CNTNAP2: variants seen among roughly 807,000 people sequenced by gnomAD.
CNTNAP2 encodes contactin associated protein 2.
CNTNAP2 carries 98 observed loss-of-function variants against 155.2 expected under a neutral mutation model. The ratio of observed to expected loss-of-function variants is 0.63; its 90% CI spans 0.54 to 0.75. The LOEUF is 0.75. Among genes scored for constraint, CNTNAP2 ranks in the 30% least tolerant of loss-of-function variants. CNTNAP2 has a pLI of 0.00. For synonymous variants in CNTNAP2, 651 were observed against 631.2 expected, an observed-to-expected ratio of 1.03 and a Z score of -0.47; for missense variants, 1,727 against 1,688.1, an observed-to-expected ratio of 1.02 and a Z score of -0.40.
At position 146,441,992 on chromosome 7, in the gene CNTNAP2, C is replaced by T. The variant is rs148672047; in HGVS notation, c.97+325019C>T. The stretch of plus-strand genomic sequence containing the variant: ...GGTACTGTCATGTATTTGCACATCC[C>T]TCATGTCTTCTGTCATTATTTACTC... On this transcript the variant is annotated intron_variant, in intron 1 of 23. Coordinates refer to ENST00000361727, the MANE Select transcript of CNTNAP2 (RefSeq NM_014141.6). Among the ~76,000 whole-genome samples the T allele has an allele frequency of 8.1e-4, 123 of 151,660 alleles. 3 individuals carry two copies. Among genetic ancestry groups the T allele is most frequent in the African/African-American group, 2.7e-3 (110 of 40,972 alleles).
intron 12 of CNTNAP2, among the ~76,000 whole-genome samples, chr7:147,637,094 C>G (rs867071204): frequency 4.6e-5 from 7 of 152,068 alleles, no homozygotes; most frequent in South Asian, 2.1e-4. Context: ...GGAGCCAGGT[C>G]ACGGAGGGAC....
At chr7:148,103,137 C>T (rs1200029755) in intron 15 of CNTNAP2, among the ~76,000 whole-genome samples, 1 of 151,452 alleles carries the variant, frequency 6.6e-6, no homozygotes, top group Non-Finnish European at 1.5e-5. Flanking sequence ...TCTCAGTGAG[C>T]AGAGGAGTGA....
chr7:147,037,402 T>G, intron 3 of CNTNAP2, among the ~76,000 whole-genome samples: 1 of 151,474 alleles, frequency 6.6e-6, no homozygotes, highest in Non-Finnish European at 1.5e-5. Flanking sequence ...TGTTACTTTG[T>G]CCCAAGTTTG....
At chr7:146,996,842 G>T (rs1199901981) in intron 3 of CNTNAP2, among the ~76,000 whole-genome samples, 1 of 152,076 alleles carries the variant, frequency 6.6e-6, no homozygotes, top group Non-Finnish European at 1.5e-5. Context: ...CTTGTTGTGG[G>T]AGGGACCCCG....
intron 1 of CNTNAP2, among the ~76,000 whole-genome samples, chr7:146,263,682 A>C (rs1799954211): frequency 6.6e-6 from 1 of 152,218 alleles, no homozygotes; most frequent in Non-Finnish European, 1.5e-5. Flanking sequence ...TAGAGAACGG[A>C]AAATCTGGAA....
At chr7:148,306,785 G>A (rs553603634) in intron 21 of CNTNAP2, among the ~76,000 whole-genome samples, 34 of 152,024 alleles carry the variant, frequency 2.2e-4, no homozygotes, top group East Asian at 2.1e-3. Flanking sequence ...GTGTGTGTGT[G>A]TATATGTGTA....
At chr7:146,297,797 A>G (rs574763669) in intron 1 of CNTNAP2, among the ~76,000 whole-genome samples, 1 of 152,312 alleles carries the variant, frequency 6.6e-6, no homozygotes, top group East Asian at 1.9e-4. Context: ...TGCTAGAAAG[A>G]TAATGAAAGC....
intron 1 of CNTNAP2, among the ~76,000 whole-genome samples, chr7:146,582,760 G>T (rs1232367701): frequency 6.6e-6 from 1 of 151,972 alleles, no homozygotes; most frequent in African/African-American, 2.4e-5. Context: ...TTAGGTTAAA[G>T]AATAAGGCAC....
At chr7:146,991,848 A>G (rs949230378) in intron 3 of CNTNAP2, among the ~76,000 whole-genome samples, 8 of 152,314 alleles carry the variant, frequency 5.3e-5, no homozygotes, top group African/African-American at 1.9e-4. Flanking sequence ...TGTGAATGGC[A>G]TGAAGAATAA....
chr7:147,330,172 A>G (rs188900724), intron 9 of CNTNAP2, among the ~76,000 whole-genome samples: 12 of 152,268 alleles, frequency 7.9e-5, no homozygotes, highest in Admixed American at 6.5e-4. Flanking sequence ...GAAGGGAAGC[A>G]GGGCTGGAGA....
intron 8 of CNTNAP2, among the ~76,000 whole-genome samples, chr7:147,254,181 C>T (rs1280545795): frequency 6.6e-6 from 1 of 152,144 alleles, no homozygotes; most frequent in East Asian, 1.9e-4. Flanking sequence ...AGTCTGTTCT[C>T]ATGGAGTCAG....
chr7:146,894,578 C>G (rs1795839862), intron 3 of CNTNAP2, among the ~76,000 whole-genome samples: 1 of 152,062 alleles, frequency 6.6e-6, no homozygotes, highest in Non-Finnish European at 1.5e-5. Context: ...AAAAATAATT[C>G]AATTTAAAGT....
chr7:148,056,158 C>A (rs1585101011), intron 15 of CNTNAP2, among the ~76,000 whole-genome samples: 2 of 152,274 alleles, frequency 1.3e-5, no homozygotes, highest in Non-Finnish European at 2.9e-5. Flanking sequence ...AGGGAGGGAG[C>A]TTTGGGGAGA....
intron 1 of CNTNAP2, among the ~76,000 whole-genome samples, chr7:146,236,735 A>G (rs1799479972): frequency 6.6e-6 from 1 of 152,196 alleles, no homozygotes; most frequent in Non-Finnish European, 1.5e-5. Context: ...ATCCCTTGAT[A>G]TGATTATATC....
At chr7:146,258,241 A>G (rs1799868767) in intron 1 of CNTNAP2, among the ~76,000 whole-genome samples, 1 of 152,206 alleles carries the variant, frequency 6.6e-6, no homozygotes, top group Non-Finnish European at 1.5e-5. Flanking sequence ...TTGAGAAGTT[A>G]CTATATAAGA....
intron 2 of CNTNAP2, among the ~76,000 whole-genome samples, chr7:146,780,848 A>G (rs1017593373): frequency 3.9e-5 from 6 of 152,090 alleles, no homozygotes; most frequent in Non-Finnish European, 7.4e-5. Flanking sequence ...AGGGACGGGA[A>G]CATAACACAC....
intron 8 of CNTNAP2, among the ~76,000 whole-genome samples, chr7:147,236,180 C>T (rs541430693): frequency 2.6e-5 from 4 of 152,326 alleles, no homozygotes; most frequent in Admixed American, 6.5e-5. Context: ...AGGAAACTCC[C>T]CCTACTGCAG....
At chr7:146,505,246 G>A (rs151088348) in intron 1 of CNTNAP2, among the ~76,000 whole-genome samples, 41 of 152,282 alleles carry the variant, frequency 2.7e-4, no homozygotes, top group African/African-American at 9.9e-4. Context: ...TCCAACGGTT[G>A]GACACATTGG....
intron 23 of CNTNAP2, among the ~76,000 whole-genome samples, chr7:148,414,420 A>AT (rs67943797): frequency 2.0e-5 from 3 of 151,292 alleles, no homozygotes; most frequent in Admixed American, 1.3e-4. Flanking sequence ...ACGTTGTCTC[A>AT]TTTTTTTTCC....
Sources: gnomAD v4.1 joint callset for allele counts (sites outside exome capture counted in the v4.1 genomes callset) on GRCh38, gnomAD v4.1.1 for gene constraint, MANE v1.5 for transcripts, NCBI Gene and HGNC (gene_info 2026-07-23, HGNC 2026-07-21) for gene names.